Variants in NALF1 observed in about 807,000 individuals in gnomAD.
The protein encoded by NALF1 is NALCN channel auxiliary factor 1.
In NALF1, 3 loss-of-function variants were observed where a neutral mutation model predicts 48.4. The ratio of observed to expected loss-of-function variants is 0.06; its 90% CI spans 0.03 to 0.16. The LOEUF (loss-of-function observed/expected upper bound fraction) is 0.16, where lower values mean the gene tolerates loss of function less well. Among genes scored for constraint, NALF1 ranks in the 10% least tolerant of loss-of-function variants. NALF1 has a pLI of 1.00. For synonymous variants in NALF1, 262 were observed against 245.7 expected (o/e 1.07, Z -0.62); for missense variants, 526 against 571.5 (o/e 0.92, Z 0.81).
chr13:107,607,792 A>T (rs1879113303), intron 1 of NALF1, among the ~76,000 whole-genome samples: 1 of 152,200 alleles, frequency 6.6e-6, no homozygotes, highest in Non-Finnish European at 1.5e-5. Context: ...TCAAATGAGA[A>T]AAATACCGGA....
intron 1 of NALF1, among the ~76,000 whole-genome samples, chr13:107,556,286 TATATATATATACAC>T (rs1190111216): frequency 1.5e-5 from 2 of 134,462 alleles, no homozygotes; most frequent in East Asian, 5.3e-4. Flanking sequence ...TATATATATA[TATATATATATACAC>T]ACACACACAC....
chr13:107,854,696 C>T (rs1880399165), intron 1 of NALF1, among the ~76,000 whole-genome samples: 1 of 152,008 alleles, frequency 6.6e-6, no homozygotes, highest in African/African-American at 2.4e-5. Flanking sequence ...CATGGCAAAA[C>T]ACCGTCTCTA....
chr13:107,606,238 T>C (rs893894110), intron 1 of NALF1, among the ~76,000 whole-genome samples: 3 of 151,656 alleles, frequency 2.0e-5, no homozygotes, highest in Non-Finnish European at 4.4e-5. Flanking sequence ...ACATGCTCAA[T>C]CTTACCAATG....
chr13:107,418,761 G>T (rs760276776), intron 1 of NALF1, among the ~76,000 whole-genome samples: 1 of 151,984 alleles, frequency 6.6e-6, no homozygotes, highest in Non-Finnish European at 1.5e-5. Context: ...TGACCATGTG[G>T]ACTCAATGTT....
chr13:107,599,220 A>T (rs1878846079), intron 1 of NALF1, among the ~76,000 whole-genome samples: 1 of 152,068 alleles, frequency 6.6e-6, no homozygotes, highest in Non-Finnish European at 1.5e-5. Flanking sequence ...GGAGATGGAG[A>T]CCATCCTGGC....
At chr13:107,581,156 C>T (rs1046399971) in intron 1 of NALF1, among the ~76,000 whole-genome samples, 1 of 152,182 alleles carries the variant, frequency 6.6e-6, no homozygotes, top group Non-Finnish European at 1.5e-5. Context: ...CATTTTGATT[C>T]AGCTAAGGCA....
intron 1 of NALF1, among the ~76,000 whole-genome samples, chr13:107,601,599 G>A (rs929749086): frequency 6.6e-6 from 1 of 151,982 alleles, no homozygotes; most frequent in Non-Finnish European, 1.5e-5. Flanking sequence ...AATTTCTCAG[G>A]GTGTAGGAAT....
At chr13:107,356,108 C>T (rs538344224) in intron 1 of NALF1, among the ~76,000 whole-genome samples, 4 of 152,276 alleles carry the variant, frequency 2.6e-5, no homozygotes, top group African/African-American at 9.6e-5. Flanking sequence ...GAGCCGATGT[C>T]ATGCTGCTAA....
chr13:107,431,920 C>T lies in NALF1; in HGVS notation c.916-221165G>A, dbSNP rs145515342. Among the ~76,000 whole-genome samples, 66 of 152,166 alleles carry T rather than the reference C, an allele frequency of 4.3e-4. 1 individual carries two copies. Among genetic ancestry groups the T allele is most frequent in the Middle Eastern group, 6.8e-3 (2 of 294 alleles). The stretch of plus-strand genomic sequence containing the variant: ...TGCTAAAATTAGTTTTGATGTCCTG[C>T]GGTGAACATGAGGGACCACTTCATT... On this transcript the variant is annotated intron_variant, in intron 1 of 2. Transcript: ENST00000375915.
intron 1 of NALF1, among the ~76,000 whole-genome samples, chr13:107,218,915 C>A (rs1331763823): frequency 6.6e-6 from 1 of 152,224 alleles, no homozygotes; most frequent in Non-Finnish European, 1.5e-5. Flanking sequence ...AGAGGTTATA[C>A]TAATTCATAC....
chr13:107,384,365 G>C (rs902850970), intron 1 of NALF1, among the ~76,000 whole-genome samples: 7 of 152,134 alleles, frequency 4.6e-5, no homozygotes, highest in Non-Finnish European at 7.4e-5. Flanking sequence ...CAGAAATCTA[G>C]ATTTGGCCTT....
intron 1 of NALF1, among the ~76,000 whole-genome samples, chr13:107,229,504 CA>C (rs1313457478): frequency 6.6e-6 from 1 of 152,124 alleles, no homozygotes; most frequent in African/African-American, 2.4e-5. Context: ...TATTATGCAT[CA>C]GGGGACGCCT....
chr13:107,228,070 G>A (rs1304718266), intron 1 of NALF1, among the ~76,000 whole-genome samples: 1 of 152,156 alleles, frequency 6.6e-6, no homozygotes, highest in Non-Finnish European at 1.5e-5. Flanking sequence ...AAGGAGTGGT[G>A]CCATTATTGA....
At chr13:107,314,822 GAGA>G (rs1443272083) in intron 1 of NALF1, among the ~76,000 whole-genome samples, 1 of 152,150 alleles carries the variant, frequency 6.6e-6, no homozygotes, top group African/African-American at 2.4e-5. Context: ...GTAGGCACTT[GAGA>G]AGATTAGCTG....
chr13:107,857,922 T>C (rs1880477564), intron 1 of NALF1, among the ~76,000 whole-genome samples: 1 of 152,216 alleles, frequency 6.6e-6, no homozygotes, highest in African/African-American at 2.4e-5. Flanking sequence ...GGCAAGGTCT[T>C]TTCATATACC....
chr13:107,631,516 A>G (rs1424933591), intron 1 of NALF1, among the ~76,000 whole-genome samples: 2 of 152,308 alleles, frequency 1.3e-5, no homozygotes, highest in South Asian at 4.1e-4. Context: ...TTTGGTAAAC[A>G]TAGCAGAAAC....
rs372119570 is a variant in NALF1 at position 107,815,490 on chromosome 13, A to G, written c.915+50192T>C. 2.6e-5 allele frequency among the ~76,000 whole-genome samples: 4 copies of G among 152,320 alleles called. No homozygotes were observed. In the South Asian group the frequency reaches 8.3e-4, roughly 32 times the overall value. On this transcript the variant is annotated intron_variant, in intron 1 of 2. Coordinates refer to ENST00000375915, the MANE Select transcript of NALF1 (RefSeq NM_001080396.3). ...ACTTCACACCAATTAGGATGCCTAT[A>G]ACCAAAAAGACAGATAATAACAAGT...
At position 107,466,863 on chromosome 13, in the gene NALF1, G is replaced by T. The variant is rs376995342; in HGVS notation, c.916-256108C>A. Among the ~76,000 whole-genome samples, 200 of 152,212 alleles carry T rather than the reference G, an allele frequency of 1.3e-3. 1 individual carries two copies. Among genetic ancestry groups the T allele is most frequent in the African/African-American group, 4.6e-3 (190 of 41,532 alleles). On this transcript the variant is annotated intron_variant, in intron 1 of 2. Transcript: ENST00000375915. ...TGGTTTTGTTTTCTTTCAGGGTGTTGTCTCGGTTTTCCTCCCTATTTTGGA... is the reference window on the plus strand; with the variant it reads ...TGGTTTTGTTTTCTTTCAGGGTGTTTTCTCGGTTTTCCTCCCTATTTTGGA...
At chr13:107,195,237 C>T (rs1012569339) in intron 2 of NALF1, among the ~76,000 whole-genome samples, 1 of 152,118 alleles carries the variant, frequency 6.6e-6, no homozygotes, top group Admixed American at 6.5e-5. Flanking sequence ...AGAACTTATC[C>T]ATGTAACCAA....
Sources: allele counts gnomAD v4.1 joint callset (sites outside exome capture counted in the v4.1 genomes callset), GRCh38; gene constraint gnomAD v4.1.1; transcripts MANE v1.5; gene names NCBI Gene and HGNC (gene_info 2026-07-23, HGNC 2026-07-21).